The following TCF7 variants were observed in gnomAD, a reference collection of about 807,000 sequenced individuals.
TCF7 encodes the protein transcription factor 7, also known as T-cell-factor-7.
TCF7 carries 19 observed loss-of-function variants against 46.8 expected under a neutral mutation model. The observed-to-expected ratio is 0.41, with a 90% CI of 0.28 to 0.60. The LOEUF is 0.60. Ranked by LOEUF, TCF7 falls within the 20% of genes least tolerant of loss-of-function variation. The pLI, the probability that TCF7 is intolerant of heterozygous loss-of-function variation, is 0.35. For synonymous variants in TCF7, 245 were observed against 213.4 expected (o/e 1.15, Z -1.29); for missense variants, 547 against 504.6 (o/e 1.08, Z -0.81).
chr5:134,125,198 A>T (rs980688486), intron 3 of TCF7, among the ~76,000 whole-genome samples: 5 of 152,312 alleles, frequency 3.3e-5, no homozygotes, highest in Admixed American at 2.6e-4. Context: ...GATTCTGACT[A>T]ACTCTGACCT....
At chr5:134,134,243 C>T (rs1168502537) in intron 3 of TCF7, among the ~76,000 whole-genome samples, 1 of 152,276 alleles carries the variant, frequency 6.6e-6, no homozygotes, top group African/African-American at 2.4e-5. Context: ...GCACCGTGGA[C>T]CCCTGGCTCA....
chr5:134,116,405 T>C (rs1484317578), intron 3 of TCF7, among the ~76,000 whole-genome samples: 1 of 152,228 alleles, frequency 6.6e-6, no homozygotes, highest in Non-Finnish European at 1.5e-5. Context: ...ATTAACTTTC[T>C]AACTAGCCCA....
chr5:134,121,727 C>T (rs1756613696), intron 3 of TCF7, among the ~76,000 whole-genome samples: 2 of 152,228 alleles, frequency 1.3e-5, no homozygotes, highest in South Asian at 2.1e-4. Flanking sequence ...GTGGCTCTGG[C>T]TTGCTCCCGG....
In TCF7 at chr5:134,144,971, C is replaced by A. The variant is rs544448027; in HGVS notation, c.1076-1253C>A. 6 of 1,015,886 alleles carry A rather than the reference C, an allele frequency of 5.9e-6. No individual in the cohort carries two copies. The South Asian group carries it at 6.7e-5, about 11-fold the overall frequency. The allele number at this position is 1,015,886 out of a possible 1,614,324, so 62.9% of individuals were successfully genotyped here. On this transcript the variant is annotated intron_variant, in intron 9 of 9. Coordinates refer to ENST00000342854, the MANE Select transcript of TCF7 (RefSeq NM_003202.5). ...CAGCCCACTCCTTTGGCCCCTCAGC[C>A]CACTAGCATACTCAGCAGATTGGGA...
intron 4 of TCF7, 167 bp from the exon 5 acceptor site, chr5:134,138,784 G>A: frequency 9.1e-7 from 1 of 1,101,460 alleles, no homozygotes; most frequent in Non-Finnish European, 1.3e-6. Context: ...TGTCAAAGGG[G>A]CACTATTATC....
At chr5:134,119,172 A>G (rs2546352) in intron 3 of TCF7, among the ~76,000 whole-genome samples, 18,812 of 152,148 alleles carry the variant, frequency 0.12, 1,528 homozygotes, top group East Asian at 0.39. Context: ...CATATCCAAA[A>G]TTGATATGAG....
At chr5:134,143,208 C>T (rs929077923) in intron 8 of TCF7, 108 bp downstream of exon 8, 4 of 1,261,854 alleles carry the variant, frequency 3.2e-6, no homozygotes, top group Admixed American at 2.0e-5. Context: ...CTGAAGGCAC[C>T]GATGAGGAAG....
upstream of TCF7, among the ~76,000 whole-genome samples, chr5:134,112,486 C>A (rs1301149303): frequency 1.3e-5 from 2 of 152,212 alleles, no homozygotes; most frequent in Non-Finnish European, 2.9e-5. Context: ...CACAGTCCCA[C>A]TCTCCCTACT....
chr5:134,113,019 G>A (rs1380666856), upstream of TCF7, among the ~76,000 whole-genome samples: 1 of 152,182 alleles, frequency 6.6e-6, no homozygotes, highest in Non-Finnish European at 1.5e-5. Flanking sequence ...CCCAGAGGAG[G>A]CTCACCCTAT....
chr5:134,146,261 G>A lies in TCF7; in HGVS notation c.1113G>A (p.Lys371=). The A allele has an allele frequency of 6.2e-7, 1 of 1,614,182 alleles. No homozygotes were observed. ...KRNAFGTYPE[K]AAAPAPFLPM... is the part of the protein sequence containing the mutation. The stretch of plus-strand genomic sequence containing the variant: ...ATGCATTCGGTACTTACCCGGAGAA[G>A]GCCGCTGCCCCAGCCCCGTTCCTTC... The change falls in exon 10 of 10, where the codon AAG becomes AAA. Residue 371 remains lysine (K), a synonymous_variant. Coordinates refer to ENST00000342854, the MANE Select transcript of TCF7 (RefSeq NM_003202.5).
chr5:134,134,805 C>T (rs1244068159), intron 3 of TCF7, among the ~76,000 whole-genome samples: 1 of 152,210 alleles, frequency 6.6e-6, no homozygotes. Flanking sequence ...CCCAACCTAC[C>T]TCACATCATG....
At chr5:134,122,720 T>G (rs1756777090) in intron 3 of TCF7, among the ~76,000 whole-genome samples, 1 of 152,160 alleles carries the variant, frequency 6.6e-6, no homozygotes, top group Non-Finnish European at 1.5e-5. Context: ...AGCCATACAG[T>G]CACACCCCTC....
At chr5:134,121,699 T>C (rs146429173) in intron 3 of TCF7, among the ~76,000 whole-genome samples, 5 of 152,310 alleles carry the variant, frequency 3.3e-5, no homozygotes, top group African/African-American at 1.2e-4. Context: ...GGCAGCCTCC[T>C]TGCTTGCAGC....
chr5:134,124,408 C>T (rs968271106), intron 3 of TCF7, among the ~76,000 whole-genome samples: 5 of 152,202 alleles, frequency 3.3e-5, no homozygotes, highest in African/African-American at 9.7e-5. Context: ...TCTGCTGGAA[C>T]ATGGGGCTCC....
At chr5:134,115,283 T>C (rs1561644611) in intron 1 of TCF7, 38 bp from the exon 2 acceptor site, 4 of 1,505,844 alleles carry the variant, frequency 2.7e-6, no homozygotes, top group Non-Finnish European at 3.6e-6. Flanking sequence ...ACCCCCGCGG[T>C]CCCACCGCCC....
At chr5:134,123,851 G>A (rs573242977) in intron 3 of TCF7, 3 of 455,994 alleles carry the variant, frequency 6.6e-6, no homozygotes, top group African/African-American at 4.0e-5. Flanking sequence ...TGGATGCTAG[G>A]AGGCATGGGG....
chr5:134,115,599 C>CCCCCCGCCAT (rs2149264383), intron 2 of TCF7: 1 of 1,433,316 alleles, frequency 7.0e-7, no homozygotes, highest in East Asian at 2.6e-5. Flanking sequence ...AGTAAACAGA[C>CCCCCCGCCAT]CCCCGCCATC....
At chr5:134,132,552 G>A (rs895313950) in intron 3 of TCF7, among the ~76,000 whole-genome samples, 2 of 152,232 alleles carry the variant, frequency 1.3e-5, no homozygotes, top group African/African-American at 2.4e-5. Flanking sequence ...AACTTTCTTC[G>A]CTGGGAAAGT....
At chr5:134,138,766 C>T (rs1759282567) in intron 4 of TCF7, 185 bp from the exon 5 acceptor site, 2 of 934,444 alleles carry the variant, frequency 2.1e-6, no homozygotes, top group Non-Finnish European at 3.1e-6. Context: ...GCCCTGGGTT[C>T]CCTTGTCTGT....
Sources: gnomAD v4.1 joint callset for allele counts (sites outside exome capture counted in the v4.1 genomes callset) on GRCh38, gnomAD v4.1.1 for gene constraint, MANE v1.5 for transcripts, NCBI Gene and HGNC (gene_info 2026-07-23, HGNC 2026-07-21) for gene names.